The following NOC3L variants were observed in gnomAD, a reference collection of about 807,000 sequenced individuals.
NOC3L encodes the protein NOC3 like DNA replication regulator.
Under a neutral mutation model 102.5 loss-of-function variants are expected in NOC3L, and 85 were observed. That is an observed-to-expected ratio of 0.83 (90% CI 0.70 to 0.99). NOC3L has a LOEUF of 0.99. Ranked by LOEUF, NOC3L falls within the 50% of genes least tolerant of loss-of-function variation. NOC3L has a pLI of 0.00. For missense variants in NOC3L, 878 were observed against 914.9 expected (o/e 0.96, Z 0.52); for synonymous variants, 303 against 309.4 (o/e 0.98, Z 0.22).
intron 2 of NOC3L, among the ~76,000 whole-genome samples, chr10:94,358,450 G>C (rs2054514353): frequency 6.6e-6 from 1 of 152,274 alleles, no homozygotes; most frequent in South Asian, 2.1e-4. Flanking sequence ...TGTCGTACTG[G>C]GATGTTCTGA....
intron 10 of NOC3L, among the ~76,000 whole-genome samples, chr10:94,348,930 A>C (rs905399765): frequency 2.8e-5 from 4 of 145,232 alleles, no homozygotes; most frequent in African/African-American, 9.8e-5. Flanking sequence ...TAGGCATTAG[A>C]AAGAATGGGA....
Position 94,352,929 on chromosome 10 carries a change from G to A in NOC3L, c.825C>T (p.Ile275=). 1 of 1,613,694 alleles carries A rather than the reference G, an allele frequency of 6.2e-7. No individual in the cohort carries two copies. Among genetic ancestry groups the A allele is most frequent in the Non-Finnish European group, 8.5e-7 (1 of 1,179,736 alleles). ...LFKDITPSYK[I]RPLTEAEKST... is the part of the protein sequence containing the mutation. ...ATTTTTCTGCTTCTGTGAGGGGCCG[G>A]ATTTTATATGAAGGAGTAATATCTT... The change falls in exon 7 of 21, where the codon ATC becomes ATT. Residue 275 remains isoleucine (I), a synonymous_variant. Coordinates refer to ENST00000371361, the MANE Select transcript of NOC3L (RefSeq NM_022451.11).
chr10:94,324,338 T>C, the NOC3L span: 5 of 1,600,420 alleles, frequency 3.1e-6, no homozygotes, highest in South Asian at 1.1e-5. Flanking sequence ...TGATCATAAC[T>C]TACCTTTCAG....
At chr10:94,317,908 T>G in the NOC3L span, among the ~76,000 whole-genome samples, 1 of 152,216 alleles carries the variant, frequency 6.6e-6, no homozygotes, top group East Asian at 1.9e-4. Context: ...CAAGCCCTGT[T>G]CTGGGCACAT....
downstream of NOC3L, chr10:94,332,506 T>C (rs1362824291): frequency 0.012 from 4 of 340 alleles, no homozygotes; most frequent in African/African-American, 0.044. Context: ...TGTGTGTGCC[T>C]GTGTGTGTGT....
At position 94,357,990 on chromosome 10, in the gene NOC3L, A is replaced by C. The variant is rs571882665; in HGVS notation, c.350+93T>G. 1.4e-3 allele frequency: 1,107 copies of C among 773,046 alleles called. 25 individuals carry two copies. In the South Asian group the frequency reaches 0.016, roughly 11 times the overall value. 47.9% of individuals were successfully genotyped at this position (773,046 alleles called of 1,614,324 possible). A position where few individuals can be genotyped will look rare whatever the true frequency, so the allele number is the denominator to read the frequency against. On this transcript the variant is annotated intron_variant, in intron 3 of 20. Transcript: ENST00000371361. ...TTATTCTTTGTAAACATTGTGCTCA[A>C]AGGTGAACACCTTGAACCACCTAAG...
At chr10:94,317,072 G>A in the NOC3L span, among the ~76,000 whole-genome samples, 5,096 of 152,152 alleles carry the variant, frequency 0.033, 286 homozygotes, top group African/African-American at 0.11. Context: ...CCAACATGGC[G>A]AAACCCCATC....
At chr10:94,358,822 G>A (rs2054518149) in intron 2 of NOC3L, among the ~76,000 whole-genome samples, 1 of 152,022 alleles carries the variant, frequency 6.6e-6, no homozygotes, top group South Asian at 2.1e-4. Context: ...TGTGTGTTCT[G>A]TCTTCACTCC....
At chr10:94,322,189 G>GTT in the NOC3L span, 1 of 858,828 alleles carries the variant, frequency 1.2e-6, no homozygotes, top group Non-Finnish European at 1.9e-6. Context: ...GGGAGTGTGT[G>GTT]CCTCTTAAGG....
At chr10:94,349,918 CCTG>C (rs1160619283) in intron 9 of NOC3L, among the ~76,000 whole-genome samples, 192 bp downstream of exon 9, 2 of 152,030 alleles carry the variant, frequency 1.3e-5, no homozygotes, top group African/African-American at 2.4e-5. Flanking sequence ...GCCACCACGC[CCTG>C]CTAATTTTTT....
chr10:94,339,456 A>G (rs2054257059), intron 17 of NOC3L, among the ~76,000 whole-genome samples: 1 of 152,136 alleles, frequency 6.6e-6, no homozygotes, highest in Non-Finnish European at 1.5e-5. Context: ...TACAAAGTTG[A>G]GTTGTTTCTA....
Position 94,337,846 on chromosome 10 carries a change from A to G in NOC3L, c.2120T>C (p.Phe707Ser), listed in dbSNP as rs2054239427. 1 of 1,614,056 alleles carries G rather than the reference A, an allele frequency of 6.2e-7. No individual in the cohort carries two copies. The highest frequency in any genetic ancestry group is 1.3e-5 in the African/African-American group (1 of 75,048). ...RRHYHPIVQR[F>S]AAHLIAGAPS... ...TGCTCCAGCGATCAGGTGGGCTGCA[A>G]ATCTCTGCACTATGGGATGATAATG... The change falls in exon 19 of 21, where the codon TTT becomes TCT. Residue 707 changes from phenylalanine (F) to serine (S), a missense_variant. Physicochemically the swap from Phe to Ser is radical, Grantham distance 155. Transcript: ENST00000371361.
chr10:94,352,430 T>C, intron 7 of NOC3L, 27 bp from the exon 8 acceptor site: 1 of 1,502,282 alleles, frequency 6.7e-7, no homozygotes, highest in Non-Finnish European at 9.2e-7. Context: ...GGTCAATCAT[T>C]TTTTAAAATC....
At chr10:94,356,247 C>T (rs571087740) in intron 5 of NOC3L, among the ~76,000 whole-genome samples, 3 of 152,190 alleles carry the variant, frequency 2.0e-5, no homozygotes, top group Admixed American at 6.5e-5. Flanking sequence ...TAGTCTTTCT[C>T]TTACAATTAA....
chr10:94,354,487 T>G lies in NOC3L; in HGVS notation c.696+476A>C, dbSNP rs563404328. On this transcript the variant is annotated intron_variant, in intron 6 of 20. Coordinates refer to ENST00000371361, the MANE Select transcript of NOC3L (RefSeq NM_022451.11). ...TTCATGTGTTATAACCATCACTAAC[T>G]CAACGACTATACACATGGCACAATA... 3.3e-5 allele frequency among the ~76,000 whole-genome samples: 5 copies of G among 152,314 alleles called. No individual in the cohort carries two copies. The East Asian group carries it at 9.6e-4, about 29-fold the overall frequency.
Position 94,349,296 on chromosome 10 carries a change from A to G in NOC3L, c.1211T>C (p.Val404Ala). 3 of 1,587,418 alleles carry G rather than the reference A, an allele frequency of 1.9e-6. No individual in the cohort carries two copies. Among genetic ancestry groups the G allele is most frequent in the Non-Finnish European group, 2.6e-6 (3 of 1,171,840 alleles). The change falls in exon 10 of 21, where the codon GTG becomes GCG. Residue 404 changes from valine to alanine, a missense_variant. Val to Ala is a moderately conservative substitution (Grantham distance 64). Coordinates refer to ENST00000371361, the MANE Select transcript of NOC3L (RefSeq NM_022451.11). ...LGQASLGVIK[V>A]ISGFVKGRNY... ...TCTGCCCTTCACAAAACCAGAAATCACTTTAATTACACCAAGAGAAGCTTG... is the reference window on the plus strand; with the variant it reads ...TCTGCCCTTCACAAAACCAGAAATCGCTTTAATTACACCAAGAGAAGCTTG...
chr10:94,352,548 G>A (rs950232380), intron 7 of NOC3L, 145 bp from the exon 8 acceptor site: 39 of 622,924 alleles, frequency 6.3e-5, no homozygotes, highest in South Asian at 2.2e-4. Context: ...TAGGCCAGGC[G>A]TGGTGGCTCA....
chr10:94,340,113 C>G (rs561434150), intron 16 of NOC3L, among the ~76,000 whole-genome samples, 163 bp downstream of exon 16: 11 of 152,338 alleles, frequency 7.2e-5, no homozygotes, highest in Non-Finnish European at 1.6e-4. Context: ...ATTCCAGAAG[C>G]TCTTTCTCCA....
At chr10:94,321,934 A>G in the NOC3L span, 4 of 1,613,506 alleles carry the variant, frequency 2.5e-6, no homozygotes, top group African/African-American at 2.7e-5. Flanking sequence ...TCAAGATGAC[A>G]AAGAGGTGAT....
Sources: allele counts gnomAD v4.1 joint callset (sites outside exome capture counted in the v4.1 genomes callset), GRCh38; gene constraint gnomAD v4.1.1; transcripts MANE v1.5; gene names NCBI Gene and HGNC (gene_info 2026-07-23, HGNC 2026-07-21).